TMPRSS11F: variants seen among roughly 807,000 people sequenced by gnomAD.
The protein encoded by TMPRSS11F is transmembrane serine protease 11F.
Under a neutral mutation model 60.2 loss-of-function variants are expected in TMPRSS11F, and 47 were observed. That is an observed-to-expected ratio of 0.78 (90% CI 0.62 to 1.00). The LOEUF is 1.00. Ranked by LOEUF, TMPRSS11F falls within the 50% of genes least tolerant of loss-of-function variation. The pLI, the probability that TMPRSS11F is intolerant of heterozygous loss-of-function variation, is 0.00. For missense variants in TMPRSS11F, 519 were observed against 522.9 expected, an observed-to-expected ratio of 0.99 and a Z score of 0.07; for synonymous variants, 166 against 167.3, an observed-to-expected ratio of 0.99 and a Z score of 0.06.
chr4:68,123,500 A>AT (rs1180422815), intron 1 of TMPRSS11F, among the ~76,000 whole-genome samples: 2 of 152,172 alleles, frequency 1.3e-5, no homozygotes, highest in Non-Finnish European at 2.9e-5. Flanking sequence ...ATGAGTTAAT[A>AT]TTTTTTAAAG....
chr4:68,107,295 G>C (rs1331435465), intron 1 of TMPRSS11F, among the ~76,000 whole-genome samples: 2 of 152,118 alleles, frequency 1.3e-5, no homozygotes, highest in African/African-American at 4.8e-5. Flanking sequence ...GCCTTTATGT[G>C]TCCCAATGGA....
At chr4:68,112,634 G>A (rs1398610914) in intron 1 of TMPRSS11F, among the ~76,000 whole-genome samples, 1 of 151,924 alleles carries the variant, frequency 6.6e-6, no homozygotes, top group Non-Finnish European at 1.5e-5. Context: ...TATTTGTATT[G>A]ATTCTAATAT....
intron 3 of TMPRSS11F, among the ~76,000 whole-genome samples, chr4:68,075,319 C>A (rs986747843): frequency 1.3e-5 from 2 of 152,112 alleles, no homozygotes; most frequent in African/African-American, 2.4e-5. Flanking sequence ...GTGGTTCTAC[C>A]CTATCTTCTG....
At chr4:68,067,289 A>G (rs2109839428) in intron 7 of TMPRSS11F, among the ~76,000 whole-genome samples, 1 of 152,342 alleles carries the variant, frequency 6.6e-6, no homozygotes, top group East Asian at 1.9e-4. Context: ...CTATTGAATC[A>G]TTCCCATCCC....
intron 9 of TMPRSS11F, among the ~76,000 whole-genome samples, chr4:68,056,698 T>C (rs1723054934): frequency 6.9e-6 from 1 of 145,274 alleles, no homozygotes; most frequent in Non-Finnish European, 1.5e-5. Flanking sequence ...CTTAAATCCA[T>C]ATAGAAGCAA....
At chr4:68,084,495 G>T (rs1358064335) in intron 3 of TMPRSS11F, among the ~76,000 whole-genome samples, 2 of 152,150 alleles carry the variant, frequency 1.3e-5, no homozygotes, top group Non-Finnish European at 2.9e-5. Flanking sequence ...AGAAGAGGCT[G>T]GGGACATATT....
chr4:68,062,184 C>T (rs555939462), intron 8 of TMPRSS11F: 111 of 407,190 alleles, frequency 2.7e-4, no homozygotes, highest in South Asian at 1.0e-3. Context: ...AATTATATTG[C>T]GACTAAAACT....
At chr4:68,110,954 C>T (rs1724399329) in intron 1 of TMPRSS11F, among the ~76,000 whole-genome samples, 1 of 152,100 alleles carries the variant, frequency 6.6e-6, no homozygotes, top group African/African-American at 2.4e-5. Context: ...AACTCTTTAA[C>T]CATTCTTCAA....
chr4:68,115,484 A>T (rs1205601281), intron 1 of TMPRSS11F, among the ~76,000 whole-genome samples: 1 of 152,102 alleles, frequency 6.6e-6, no homozygotes, highest in African/African-American at 2.4e-5. Context: ...TGAAGCTCGG[A>T]ATGGAGCAAG....
At chr4:68,090,697 C>A in intron 2 of TMPRSS11F, 56 bp from the exon 3 acceptor site, 1 of 1,550,974 alleles carries the variant, frequency 6.4e-7, no homozygotes, top group Non-Finnish European at 8.7e-7. Context: ...TTGTTTTGTC[C>A]CCTACGTCTT....
chr4:68,097,674 A>G (rs1724100281), intron 2 of TMPRSS11F, among the ~76,000 whole-genome samples: 1 of 151,994 alleles, frequency 6.6e-6, no homozygotes, highest in African/African-American at 2.4e-5. Flanking sequence ...AATGGCTAAA[A>G]TGCTTTTTTT....
chr4:68,105,049 G>GTTT lies in TMPRSS11F; in HGVS notation c.12-6014_12-6012dup, dbSNP rs34041075. ...ATGTGTTAGAAATCATTCCCTCTAG[G>GTTT]TTTTTTTTTTTTTTTTTTTTTTTTT... On this transcript the variant is annotated intron_variant, in intron 1 of 9. Transcript: ENST00000356291. 8.5e-3 allele frequency among the ~76,000 whole-genome samples: 471 copies of GTTT among 55,174 alleles called. 21 individuals carry two copies. Among genetic ancestry groups the GTTT allele is most frequent in the Non-Finnish European group, 0.01 (329 of 32,768 alleles). The allele number at this position is 55,174 out of a possible 152,430, so 36.2% of individuals were successfully genotyped here. A position where few individuals can be genotyped will look rare whatever the true frequency, so the allele number is the denominator to read the frequency against.
chr4:68,073,945 A>G lies in TMPRSS11F; in HGVS notation c.347T>C (p.Leu116Ser), dbSNP rs374934578. Residue 116 changes from leucine (L) to serine (S), a missense_variant, in exon 4 of 10, where the codon TTA becomes TCA. By Grantham distance (145) the Leu-to-Ser change is moderately radical (BLOSUM62 -2). Transcript: ENST00000356291. ...ATTATAAACCAAATTTACATACCTT[A>G]ATTTGATAACATGAGATTTGATAAA... ...GRFIKSHVIK[L>S]SPDEQGVDIL... The G allele has an allele frequency of 1.5e-5, 23 of 1,570,396 alleles. No individual in the cohort carries two copies. Among genetic ancestry groups the G allele is most frequent in the Admixed American group, 1.9e-5 (1 of 51,956 alleles).
intron 9 of TMPRSS11F, among the ~76,000 whole-genome samples, chr4:68,056,052 C>T (rs1432624715): frequency 6.6e-6 from 1 of 151,936 alleles, no homozygotes; most frequent in Admixed American, 6.6e-5. Context: ...ACAATAAAAG[C>T]CATATATTGG....
intron 1 of TMPRSS11F, among the ~76,000 whole-genome samples, chr4:68,109,312 T>G (rs961129904): frequency 1.3e-5 from 2 of 152,038 alleles, no homozygotes; most frequent in African/African-American, 4.8e-5. Flanking sequence ...ATAAAATCAC[T>G]TATACATTTA....
chr4:68,106,819 A>G (rs75209572), intron 1 of TMPRSS11F, among the ~76,000 whole-genome samples: 5,426 of 152,304 alleles, frequency 0.036, 268 homozygotes, highest in African/African-American at 0.11. Flanking sequence ...TAAAACATAT[A>G]AGACATTTAA....
chr4:68,054,093 G>T (rs770427671), intron 9 of TMPRSS11F, 26 bp from the exon 10 acceptor site: 1 of 1,602,012 alleles, frequency 6.2e-7, no homozygotes, highest in Non-Finnish European at 8.5e-7. Flanking sequence ...ATTTTAAATT[G>T]TTAACTCTAC....
chr4:68,091,756 T>TCA (rs1723936780), intron 2 of TMPRSS11F, among the ~76,000 whole-genome samples: 3 of 99,234 alleles, frequency 3.0e-5, no homozygotes, highest in African/African-American at 1.2e-4. Context: ...AATCTCTCTC[T>TCA]CTCTCTCTCT....
chr4:68,059,543 C>A lies in TMPRSS11F; in HGVS notation c.1016-75G>T. The stretch of plus-strand genomic sequence containing the variant: ...AATTGTATCTAAGACATAGAAGACA[C>A]ATAAATTGTAGCAAAAGCCAAAGAT... On this transcript the variant is annotated intron_variant, in intron 8 of 9. Coordinates refer to ENST00000356291, the MANE Select transcript of TMPRSS11F (RefSeq NM_207407.2). The A allele has an allele frequency of 6.4e-6, 9 of 1,416,266 alleles. No homozygotes were observed. In the South Asian group the frequency reaches 1.4e-4, roughly 21 times the overall value. 87.7% of individuals were successfully genotyped at this position (1,416,266 alleles called of 1,614,324 possible).
Sources: gnomAD v4.1 joint callset for allele counts (sites outside exome capture counted in the v4.1 genomes callset) on GRCh38, gnomAD v4.1.1 for gene constraint, MANE v1.5 for transcripts, NCBI Gene and HGNC (gene_info 2026-07-23, HGNC 2026-07-21) for gene names.